TEX2: variants seen among roughly 807,000 people sequenced by gnomAD.
TEX2 encodes the protein testis-expressed protein 2.
In TEX2, 53 loss-of-function variants were observed where a neutral mutation model predicts 106.9. The ratio of observed to expected loss-of-function variants is 0.50; its 90% CI spans 0.40 to 0.62. The LOEUF (loss-of-function observed/expected upper bound fraction) is 0.62, where lower values mean the gene tolerates loss of function less well. Among genes scored for constraint, TEX2 ranks in the 20% least tolerant of loss-of-function variants. TEX2 has a pLI of 0.00. For missense variants in TEX2, 1,207 were observed against 1,379.0 expected (o/e 0.88, Z 1.98); for synonymous variants, 523 against 534.8 (o/e 0.98, Z 0.30).
At chr17:64,227,418 T>C (rs1555634036) in intron 1 of TEX2, among the ~76,000 whole-genome samples, 1 of 152,174 alleles carries the variant, frequency 6.6e-6, no homozygotes, top group African/African-American at 2.4e-5. Flanking sequence ...ATTTTCTCCA[T>C]ATAACAGGTT....
At chr17:64,192,052 G>A (rs2032321608) in intron 4 of TEX2, among the ~76,000 whole-genome samples, 2 of 152,158 alleles carry the variant, frequency 1.3e-5, no homozygotes, top group Admixed American at 1.3e-4. Flanking sequence ...CACTTCAAGT[G>A]TTCAAAAGCC....
chr17:64,151,359 C>G (rs2143588455), intron 10 of TEX2, among the ~76,000 whole-genome samples: 1 of 152,296 alleles, frequency 6.6e-6, no homozygotes, highest in East Asian at 1.9e-4. Context: ...GAAAGACACA[C>G]TGCCTCTCTC....
At chr17:64,228,929 TACACACACACACACACACAC>T (rs57741930) in intron 1 of TEX2, among the ~76,000 whole-genome samples, 16 of 146,646 alleles carry the variant, frequency 1.1e-4, no homozygotes, top group Non-Finnish European at 9.0e-5. Context: ...GACTGACAGG[TACACACACACACACACACAC>T]ACACACACAC....
At chr17:64,244,043 G>A (rs1403058907) in intron 1 of TEX2, among the ~76,000 whole-genome samples, 2 of 152,024 alleles carry the variant, frequency 1.3e-5, no homozygotes, top group African/African-American at 4.8e-5. Flanking sequence ...TCCTGACCTC[G>A]TGATCCGCCC....
chr17:64,181,782 C>T (rs1598149608), intron 5 of TEX2, among the ~76,000 whole-genome samples: 1 of 150,446 alleles, frequency 6.6e-6, no homozygotes. Flanking sequence ...TCCCAAAGTG[C>T]TGAGATTACA....
At chr17:64,239,154 T>A (rs1462339709) in intron 1 of TEX2, 1 of 152,232 alleles carries the variant, frequency 6.6e-6, no homozygotes, top group Non-Finnish European at 1.5e-5. Flanking sequence ...CAACTCCTTT[T>A]ACCAATGCCC....
intron 1 of TEX2, among the ~76,000 whole-genome samples, chr17:64,224,977 A>G (rs2033465133): frequency 6.6e-6 from 1 of 152,078 alleles, no homozygotes; most frequent in African/African-American, 2.4e-5. Context: ...GAGACAACAC[A>G]TAGACATCAG....
chr17:64,198,470 G>A (rs1160688802), intron 2 of TEX2, among the ~76,000 whole-genome samples: 2 of 151,940 alleles, frequency 1.3e-5, no homozygotes, highest in Admixed American at 1.3e-4. Flanking sequence ...AGTTGGAGCT[G>A]ATGAGAACTC....
In TEX2 at chr17:64,239,249, T is replaced by G. The variant is rs117017307; in HGVS notation, c.-26+23919A>C. 4 of 152,330 alleles carry G rather than the reference T, an allele frequency of 2.6e-5. No individual in the cohort carries two copies. The South Asian group carries it at 8.3e-4, about 32-fold the overall frequency. 9.4% of individuals were successfully genotyped at this position (152,330 alleles called of 1,614,324 possible). On this transcript the variant is annotated intron_variant, in intron 1 of 11. Coordinates refer to ENST00000584379, the MANE Select transcript of TEX2 (RefSeq NM_001288732.2). The stretch of plus-strand genomic sequence containing the variant: ...AAATAATGGGATGTTTATTTCCAAG[T>G]TTTTTCTGTTATTACCTGCAATTAA...
intron 2 of TEX2, among the ~76,000 whole-genome samples, chr17:64,210,665 A>G (rs2032974883): frequency 1.1e-5 from 1 of 91,288 alleles, no homozygotes; most frequent in Non-Finnish European, 2.3e-5. Context: ...TTTTTGCAAT[A>G]GGGACATCAC....
At chr17:64,150,279 A>G (rs749550920) in intron 11 of TEX2, 1 of 152,266 alleles carries the variant, frequency 6.6e-6, no homozygotes, top group Non-Finnish European at 1.5e-5. Flanking sequence ...TTGGTGGCCA[A>G]ATGCAGAAAG....
At chr17:64,228,453 G>A (rs192028229) in intron 1 of TEX2, among the ~76,000 whole-genome samples, 1 of 152,316 alleles carries the variant, frequency 6.6e-6, no homozygotes. Context: ...CTATCTGGGG[G>A]TGCTGGGAGA....
At chr17:64,150,723 A>G in intron 11 of TEX2, 118 bp downstream of exon 11, 2 of 1,115,460 alleles carry the variant, frequency 1.8e-6, no homozygotes, top group South Asian at 1.7e-5. Context: ...CTCTTCCGGG[A>G]TGAAGGTCAC....
Position 64,166,582 on chromosome 17 carries a change from C to A in TEX2, c.2671+4518G>T, listed in dbSNP as rs181607199. On this transcript the variant is annotated intron_variant, in intron 7 of 11. Transcript: ENST00000584379. The stretch of plus-strand genomic sequence containing the variant: ...ACTGCCCTTTCAAGTCTTCCCAGTT[C>A]TTCAAGGGTTTTGAAAAAGAGCTAT... 7.5e-4 allele frequency among the ~76,000 whole-genome samples: 114 copies of A among 152,302 alleles called. 1 individual carries two copies. The highest frequency in any genetic ancestry group is 2.7e-3 in the African/African-American group (113 of 41,554).
intron 1 of TEX2, among the ~76,000 whole-genome samples, chr17:64,238,446 A>G (rs1456671988): frequency 6.6e-6 from 1 of 152,238 alleles, no homozygotes; most frequent in Non-Finnish European, 1.5e-5. Context: ...TCTAATTTAA[A>G]CCAATGTATT....
At chr17:64,160,956 G>T (rs2030855238) in intron 7 of TEX2, 23 bp from the exon 8 acceptor site, 1 of 1,601,736 alleles carries the variant, frequency 6.2e-7, no homozygotes. Context: ...TGAAAAAACA[G>T]AAGGTTTTTT....
At chr17:64,190,293 C>T (rs1340947481) in intron 4 of TEX2, among the ~76,000 whole-genome samples, 1 of 152,034 alleles carries the variant, frequency 6.6e-6, no homozygotes, top group African/African-American at 2.4e-5. Context: ...ACTAATATTA[C>T]ATTTAATATC....
In TEX2 at chr17:64,147,455, T is replaced by C. The variant is rs575654609; in HGVS notation, c.*1514A>G. The C allele has an allele frequency of 9.8e-5, 15 of 152,298 alleles. No homozygotes were observed. Among genetic ancestry groups the C allele is most frequent in the South Asian group, 2.1e-4 (1 of 4,820 alleles). 9.4% of individuals were successfully genotyped at this position (152,298 alleles called of 1,614,324 possible). ...TTATCTAGTATTTGACATTGAGATA[T>C]TTATTTTGTGAAACAATGCAAGCGA... On this transcript the variant is annotated 3_prime_UTR_variant, in exon 12 of 12. Transcript: ENST00000584379.
chr17:64,243,774 T>C (rs890119677), intron 1 of TEX2, among the ~76,000 whole-genome samples: 6 of 151,844 alleles, frequency 4.0e-5, no homozygotes, highest in African/African-American at 1.5e-4. Context: ...GAGTCCTAAA[T>C]GGTGACTATG....
Sources: gnomAD v4.1 joint callset for allele counts (sites outside exome capture counted in the v4.1 genomes callset) on GRCh38, gnomAD v4.1.1 for gene constraint, MANE v1.5 for transcripts, NCBI Gene and HGNC (gene_info 2026-07-23, HGNC 2026-07-21) for gene names.